Variants in SOX5 observed in about 807,000 individuals in gnomAD.
SOX5 encodes SRY-box transcription factor 5, also known as transcription factor SOX-5.
Under a neutral mutation model 92.0 loss-of-function variants are expected in SOX5, and 9 were observed. That is an observed-to-expected ratio of 0.10 (90% CI 0.06 to 0.17). The LOEUF is 0.17. Among genes scored for constraint, SOX5 ranks in the 10% least tolerant of loss-of-function variants. The pLI, the probability that SOX5 is intolerant of heterozygous loss-of-function variation, is 1.00. For synonymous variants in SOX5, 344 were observed against 336.3 expected, an observed-to-expected ratio of 1.02 and a Z score of -0.25; for missense variants, 642 against 944.5, an observed-to-expected ratio of 0.68 and a Z score of 4.20.
chr12:24,092,830 C>T (rs1944818724), intron 4 of SOX5, among the ~76,000 whole-genome samples: 1 of 152,110 alleles, frequency 6.6e-6, no homozygotes, highest in Non-Finnish European at 1.5e-5. Flanking sequence ...ATGTTTCTTG[C>T]TTTAGACCAA....
chr12:24,287,140 C>T (rs1481594321), intron 2 of SOX5, among the ~76,000 whole-genome samples: 2 of 152,010 alleles, frequency 1.3e-5, no homozygotes, highest in East Asian at 1.9e-4. Context: ...TATTTAAAAG[C>T]GGGAAAAGAC....
At chr12:23,966,284 G>C (rs11047177) in intron 4 of SOX5, among the ~76,000 whole-genome samples, 1 of 132,678 alleles carries the variant, frequency 7.5e-6, no homozygotes, top group African/African-American at 2.8e-5. Flanking sequence ...TCTCCTACCA[G>C]AATGAGGGAA....
At chr12:24,058,765 C>T (rs1038481661) in intron 4 of SOX5, among the ~76,000 whole-genome samples, 2 of 151,724 alleles carry the variant, frequency 1.3e-5, no homozygotes, top group African/African-American at 4.8e-5. Flanking sequence ...GAACCTTCAT[C>T]AGGTTGCTGT....
rs777013504 is a variant in SOX5, at chr12:23,779,814, T to TATATACAC, written c.482-24091_482-24090insGTGTATAT. On this transcript the variant is annotated intron_variant, in intron 3 of 14. Transcript: ENST00000451604. ...ATATATATATATATATATATATATA[T>TATATACAC]ACACACACACACACACACACACACA... 9.3e-3 allele frequency among the ~76,000 whole-genome samples: 1,026 copies of TATATACAC among 110,712 alleles called. 11 individuals are homozygous for TATATACAC. Among genetic ancestry groups the TATATACAC allele is most frequent in the African/African-American group, 0.031 (830 of 26,988 alleles). The allele number at this position is 110,712 out of a possible 152,430, so 72.6% of individuals were successfully genotyped here. A position where few individuals can be genotyped will look rare whatever the true frequency, so the allele number is the denominator to read the frequency against.
intron 6 of SOX5, among the ~76,000 whole-genome samples, chr12:23,670,911 A>G (rs2084673561): frequency 6.6e-6 from 1 of 152,168 alleles, no homozygotes; most frequent in Non-Finnish European, 1.5e-5. Context: ...TTTTCTCAAA[A>G]CGTGCCTAAT....
intron 3 of SOX5, among the ~76,000 whole-genome samples, chr12:23,824,401 G>T (rs113132102): frequency 1.1e-3 from 168 of 152,194 alleles, no homozygotes; most frequent in Non-Finnish European, 2.2e-3. Flanking sequence ...GCTGGAATTT[G>T]CTGGGGGTCC....
At chr12:24,080,214 C>G (rs1482150411) in intron 4 of SOX5, among the ~76,000 whole-genome samples, 1 of 151,832 alleles carries the variant, frequency 6.6e-6, no homozygotes, top group Non-Finnish European at 1.5e-5. Flanking sequence ...GAAAAGAATG[C>G]CTCTGTGTAT....
At chr12:24,357,859 G>GA (rs1955059969) in intron 2 of SOX5, among the ~76,000 whole-genome samples, 1 of 144,532 alleles carries the variant, frequency 6.9e-6, no homozygotes, top group Non-Finnish European at 1.5e-5. Flanking sequence ...AAAAAAGAAA[G>GA]AAGAAAAAAG....
chr12:23,686,126 T>TG (rs2087526593), intron 6 of SOX5, among the ~76,000 whole-genome samples: 1 of 152,196 alleles, frequency 6.6e-6, no homozygotes, highest in South Asian at 2.1e-4. Flanking sequence ...AGCAAACATT[T>TG]GTAGAACAGA....
At chr12:24,397,845 T>A (rs951888055) in intron 1 of SOX5, among the ~76,000 whole-genome samples, 1 of 151,772 alleles carries the variant, frequency 6.6e-6, no homozygotes, top group Non-Finnish European at 1.5e-5. Flanking sequence ...TATTATTATT[T>A]AATTTATTTA....
In SOX5 at chr12:24,374,212, G is replaced by C. The variant is rs78696955; in HGVS notation, c.-250-5573C>G. The stretch of plus-strand genomic sequence containing the variant: ...CCAGGGCAGTGGTGCAGAAGCCTGT[G>C]AGTGGCACAAAGGAATCCGCAGCCC... On this transcript the variant is annotated intron_variant, in intron 1 of 4. Transcript: ENST00000446891. 2.4e-3 allele frequency among the ~76,000 whole-genome samples: 365 copies of C among 152,146 alleles called. 4 individuals are homozygous for C. Among genetic ancestry groups the C allele is most frequent in the African/African-American group, 8.2e-3 (342 of 41,504 alleles).
intron 1 of SOX5, among the ~76,000 whole-genome samples, chr12:24,518,644 C>T (rs1471123534): frequency 3.9e-5 from 6 of 151,990 alleles, no homozygotes; most frequent in African/African-American, 1.5e-4. Flanking sequence ...CTTTTGTGAT[C>T]CATTTATTCC....
chr12:24,209,418 G>T (rs1035471415), intron 4 of SOX5, among the ~76,000 whole-genome samples: 1 of 152,054 alleles, frequency 6.6e-6, no homozygotes, highest in African/African-American at 2.4e-5. Flanking sequence ...GAAAAGGAAA[G>T]AATTTAGAAT....
intron 2 of SOX5, among the ~76,000 whole-genome samples, chr12:24,366,686 C>T (rs1956209390): frequency 6.6e-6 from 1 of 152,132 alleles, no homozygotes; most frequent in African/African-American, 2.4e-5. Flanking sequence ...GTAACTATTA[C>T]TGGCTTTCTT....
chr12:24,490,221 A>G (rs1946915282), intron 1 of SOX5, among the ~76,000 whole-genome samples: 1 of 152,240 alleles, frequency 6.6e-6, no homozygotes, highest in Admixed American at 6.5e-5. Flanking sequence ...TATGCAGAGC[A>G]AGAAAAGTAT....
chr12:24,030,009 G>C (rs934485346), intron 4 of SOX5, among the ~76,000 whole-genome samples: 1 of 151,866 alleles, frequency 6.6e-6, no homozygotes, highest in Non-Finnish European at 1.5e-5. Context: ...TATGAGGTAC[G>C]TGTTGTTTTC....
chr12:24,146,235 T>C (rs1288482216), intron 4 of SOX5, among the ~76,000 whole-genome samples: 2 of 152,132 alleles, frequency 1.3e-5, no homozygotes, highest in Non-Finnish European at 2.9e-5. Flanking sequence ...ATTTAGTCCA[T>C]AAAACAAGTC....
chr12:23,720,367 G>T (rs923307559), intron 6 of SOX5, among the ~76,000 whole-genome samples: 1 of 152,064 alleles, frequency 6.6e-6, no homozygotes, highest in South Asian at 2.1e-4. Context: ...CCTCATTTAG[G>T]TTTTTAAAAC....
At chr12:24,179,774 G>A (rs1446239408) in intron 4 of SOX5, among the ~76,000 whole-genome samples, 1 of 152,064 alleles carries the variant, frequency 6.6e-6, no homozygotes, top group Non-Finnish European at 1.5e-5. Context: ...TGTATTAAAT[G>A]CTTTTTCAAT....
Sources: allele counts gnomAD v4.1 joint callset (sites outside exome capture counted in the v4.1 genomes callset), GRCh38; gene constraint gnomAD v4.1.1; transcripts MANE v1.5; gene names NCBI Gene and HGNC (gene_info 2026-07-23, HGNC 2026-07-21).